Variants in SLC2A12 observed in about 807,000 individuals in gnomAD.
SLC2A12 encodes solute carrier family 2, facilitated glucose transporter member 12.
SLC2A12 carries 23 observed loss-of-function variants against 41.8 expected under a neutral mutation model. The ratio of observed to expected loss-of-function variants is 0.55; its 90% CI spans 0.40 to 0.78. The LOEUF is 0.78. Among genes scored for constraint, SLC2A12 ranks in the 30% least tolerant of loss-of-function variants. The pLI, the probability that SLC2A12 is intolerant of heterozygous loss-of-function variation, is 0.00. For missense variants in SLC2A12, 654 were observed against 745.6 expected (o/e 0.88, Z 1.43); for synonymous variants, 295 against 285.9 (o/e 1.03, Z -0.32).
intron 2 of SLC2A12, among the ~76,000 whole-genome samples, chr6:134,015,595 G>A (rs1470536434): frequency 6.6e-6 from 1 of 152,228 alleles, no homozygotes; most frequent in Non-Finnish European, 1.5e-5. Context: ...AGAGGAAGAT[G>A]AGCAGAGAAA....
Position 133,991,046 on chromosome 6 carries a change from C to A in SLC2A12, c.*109G>T. 1.5e-6 allele frequency: 2 copies of A among 1,296,242 alleles called. No homozygotes were observed. The highest frequency in any genetic ancestry group is 2.5e-5 in the Admixed American group (1 of 40,466). 80.3% of individuals were successfully genotyped at this position (1,296,242 alleles called of 1,614,324 possible). On this transcript the variant is annotated 3_prime_UTR_variant, in exon 5 of 5. Transcript: ENST00000275230. Reference sequence around the variant, plus strand: ...TCATTTCAGAGTGTCTCTTCAAAACCAGTTCCATGACACTGAAAAGAGAGC... The same window carrying A: ...TCATTTCAGAGTGTCTCTTCAAAACAAGTTCCATGACACTGAAAAGAGAGC...
chr6:134,050,357 T>G (rs888169364), intron 1 of SLC2A12, among the ~76,000 whole-genome samples: 2 of 152,196 alleles, frequency 1.3e-5, no homozygotes, highest in Non-Finnish European at 2.9e-5. Flanking sequence ...TAAGGAAACA[T>G]TCAGGCTTTC....
At chr6:134,042,631 G>C (rs1343578643) in intron 1 of SLC2A12, among the ~76,000 whole-genome samples, 2 of 152,030 alleles carry the variant, frequency 1.3e-5, no homozygotes, top group African/African-American at 4.8e-5. Flanking sequence ...CAAGAGCTCA[G>C]TATGACAAGA....
At chr6:134,005,044 T>C (rs974339458) in intron 3 of SLC2A12, among the ~76,000 whole-genome samples, 2 of 152,218 alleles carry the variant, frequency 1.3e-5, no homozygotes, top group Non-Finnish European at 2.9e-5. Context: ...TTATTTTAGC[T>C]CTATCATTCT....
chr6:134,044,398 A>G (rs1777426996), intron 1 of SLC2A12, among the ~76,000 whole-genome samples: 1 of 152,068 alleles, frequency 6.6e-6, no homozygotes, highest in Non-Finnish European at 1.5e-5. Context: ...TATTTTTTTG[A>G]TAAGTTGGTA....
chr6:134,005,846 A>T (rs1373880427), intron 3 of SLC2A12, among the ~76,000 whole-genome samples: 1 of 151,856 alleles, frequency 6.6e-6, no homozygotes, highest in Non-Finnish European at 1.5e-5. Context: ...CCTCTATCTA[A>T]ATCTAATAGC....
intron 2 of SLC2A12, among the ~76,000 whole-genome samples, chr6:134,018,111 G>A (rs1285300454): frequency 1.3e-5 from 2 of 152,002 alleles, no homozygotes; most frequent in African/African-American, 4.8e-5. Context: ...TCAATAAAGG[G>A]CTTTAAGCAC....
chr6:134,029,066 G>C lies in SLC2A12; in HGVS notation c.759C>G (p.Ile253Met), dbSNP rs553434141. 1 of 1,614,214 alleles carries C rather than the reference G, an allele frequency of 6.2e-7. No homozygotes were observed. Among genetic ancestry groups the C allele is most frequent in the Admixed American group, 1.7e-5 (1 of 60,024 alleles). The change falls in exon 2 of 5, where the codon ATC (isoleucine) becomes ATG (methionine). Residue 253 changes from isoleucine to methionine, a missense_variant. Coordinates refer to ENST00000275230, the MANE Select transcript of SLC2A12 (RefSeq NM_145176.3). ...LSDTTEELTVIKSSLKDEYQY... is the reference protein window; with the variant it reads ...LSDTTEELTVMKSSLKDEYQY... ...GATATTCATCTTTCAGGGAGGATTTGATCACAGTGAGTTCCTCAGTTGTAT... is the reference window on the plus strand; with the variant it reads ...GATATTCATCTTTCAGGGAGGATTTCATCACAGTGAGTTCCTCAGTTGTAT...
At chr6:134,033,798 C>T (rs1361084396) in intron 1 of SLC2A12, among the ~76,000 whole-genome samples, 1 of 152,092 alleles carries the variant, frequency 6.6e-6, no homozygotes, top group Non-Finnish European at 1.5e-5. Context: ...GAGAAAGATG[C>T]CTTGAGATGC....
intron 2 of SLC2A12, among the ~76,000 whole-genome samples, chr6:134,026,013 A>C (rs940988335): frequency 2.0e-5 from 3 of 152,234 alleles, no homozygotes; most frequent in Admixed American, 2.0e-4. Context: ...AAAGGACTCT[A>C]ACCATGAGTA....
At chr6:134,036,450 T>A (rs1562203188) in intron 1 of SLC2A12, among the ~76,000 whole-genome samples, 2 of 152,218 alleles carry the variant, frequency 1.3e-5, no homozygotes, top group Non-Finnish European at 2.9e-5. Flanking sequence ...GGCTCGTGTG[T>A]GCCCACTATG....
At chr6:134,049,775 A>C (rs1169125416) in intron 1 of SLC2A12, among the ~76,000 whole-genome samples, 2 of 152,220 alleles carry the variant, frequency 1.3e-5, no homozygotes, top group Non-Finnish European at 2.9e-5. Flanking sequence ...TTAGTCAAGA[A>C]AGACCTACCA....
At chr6:134,045,967 A>AT (rs1777450072) in intron 1 of SLC2A12, among the ~76,000 whole-genome samples, 1 of 152,166 alleles carries the variant, frequency 6.6e-6, no homozygotes, top group South Asian at 2.1e-4. Flanking sequence ...TCCTCCTGTG[A>AT]TTTTGTCTGA....
chr6:133,998,572 C>T (rs1239744332), intron 4 of SLC2A12, among the ~76,000 whole-genome samples: 3 of 152,232 alleles, frequency 2.0e-5, no homozygotes, highest in African/African-American at 7.2e-5. Context: ...GACAGGGTCT[C>T]ACTCTGTCAC....
At position 133,990,299 on chromosome 6, in the gene SLC2A12, G is replaced by C. The variant is rs1776603270; in HGVS notation, c.*856C>G. 1 of 152,632 alleles carries C rather than the reference G, an allele frequency of 6.6e-6. No homozygotes were observed. Among genetic ancestry groups the C allele is most frequent in the African/African-American group, 2.4e-5 (1 of 41,444 alleles). 9.5% of individuals were successfully genotyped at this position (152,632 alleles called of 1,614,324 possible). Reference sequence around the variant, plus strand: ...GTCATGAAAGCCTTACAAGGAGGCAGCTTTTCTAGGCTTGACTTAATAACT... The same window carrying C: ...GTCATGAAAGCCTTACAAGGAGGCACCTTTTCTAGGCTTGACTTAATAACT... On this transcript the variant is annotated 3_prime_UTR_variant, in exon 5 of 5. Transcript: ENST00000275230.
chr6:133,991,956 G>C (rs1023587616), intron 4 of SLC2A12, among the ~76,000 whole-genome samples: 2 of 152,060 alleles, frequency 1.3e-5, no homozygotes, highest in Admixed American at 1.3e-4. Context: ...GAAATAAACG[G>C]GGAAGGAGAA....
chr6:134,048,643 T>G lies in SLC2A12; in HGVS notation c.103+3735A>C, dbSNP rs1159596564. 2.0e-5 allele frequency among the ~76,000 whole-genome samples: 3 copies of G among 152,180 alleles called. No homozygotes were observed. In the East Asian group the frequency reaches 5.8e-4, roughly 29 times the overall value. Reference sequence around the variant, plus strand: ...TACGTATCACAGTAGACACAATCATTGTTATCAGATGTTGACTTGTTAAAT... The same window carrying G: ...TACGTATCACAGTAGACACAATCATGGTTATCAGATGTTGACTTGTTAAAT... On this transcript the variant is annotated intron_variant, in intron 1 of 4. Transcript: ENST00000275230.
intron 2 of SLC2A12, among the ~76,000 whole-genome samples, chr6:134,022,654 A>G (rs1476456265): frequency 1.3e-5 from 2 of 152,242 alleles, no homozygotes; most frequent in Non-Finnish European, 2.9e-5. Context: ...TTTGACCTGT[A>G]TGTCGTGGAA....
chr6:133,998,047 T>G (rs1168931923), intron 4 of SLC2A12, among the ~76,000 whole-genome samples: 1 of 152,220 alleles, frequency 6.6e-6, no homozygotes, highest in Non-Finnish European at 1.5e-5. Context: ...AATTTGCAAT[T>G]TATAACTTTC....
Sources: allele counts gnomAD v4.1 joint callset (sites outside exome capture counted in the v4.1 genomes callset), GRCh38; gene constraint gnomAD v4.1.1; transcripts MANE v1.5; gene names NCBI Gene and HGNC (gene_info 2026-07-23, HGNC 2026-07-21).